The following CTNNA3 variants were observed in gnomAD, a reference collection of about 807,000 sequenced individuals.
CTNNA3 encodes the protein catenin alpha 3.
In CTNNA3, 76 loss-of-function variants were observed where a neutral mutation model predicts 95.7. The ratio of observed to expected loss-of-function variants is 0.79; its 90% CI spans 0.66 to 0.96. CTNNA3 has a LOEUF of 0.96. Ranked by LOEUF, CTNNA3 falls within the 40% of genes least tolerant of loss-of-function variation. The probability of loss-of-function intolerance (pLI) is 0.00; values close to 1 mark genes in which losing one functional copy is unlikely to be tolerated. For missense variants in CTNNA3, 1,191 were observed against 1,089.8 expected (o/e 1.09, Z -1.31); for synonymous variants, 431 against 374.4 (o/e 1.15, Z -1.74).
intron 7 of CTNNA3, among the ~76,000 whole-genome samples, chr10:67,072,836 T>C (rs2131853060): frequency 6.6e-6 from 1 of 152,014 alleles, no homozygotes; most frequent in South Asian, 2.1e-4. Context: ...GGCTGCCAAG[T>C]CCTTTTGTTT....
At chr10:67,124,496 C>T (rs1487474813) in intron 7 of CTNNA3, among the ~76,000 whole-genome samples, 1 of 151,986 alleles carries the variant, frequency 6.6e-6, no homozygotes, top group Non-Finnish European at 1.5e-5. Flanking sequence ...TGGAGAATAA[C>T]CAATTTCTAG....
chr10:66,043,593 G>A (rs561421279), intron 15 of CTNNA3, among the ~76,000 whole-genome samples: 23 of 152,216 alleles, frequency 1.5e-4, no homozygotes, highest in African/African-American at 4.8e-4. Context: ...ATGATTATAC[G>A]AAGAGAAAAA....
At chr10:67,053,953 C>T (rs966496897) in intron 7 of CTNNA3, among the ~76,000 whole-genome samples, 16 of 152,036 alleles carry the variant, frequency 1.1e-4, no homozygotes, top group Non-Finnish European at 2.1e-4. Context: ...TCCCTAATGA[C>T]CTTATGTCAT....
chr10:66,503,279 A>G (rs1840340938), intron 11 of CTNNA3, among the ~76,000 whole-genome samples: 1 of 152,180 alleles, frequency 6.6e-6, no homozygotes, highest in African/African-American at 2.4e-5. Flanking sequence ...TCTATCTTTA[A>G]AACAGTCCTA....
At chr10:67,359,694 A>G (rs1417882334) in intron 5 of CTNNA3, among the ~76,000 whole-genome samples, 1 of 152,186 alleles carries the variant, frequency 6.6e-6, no homozygotes, top group African/African-American at 2.4e-5. Flanking sequence ...TAAAGCCTCA[A>G]AGAAATATGG....
At position 67,393,059 on chromosome 10, in the gene CTNNA3, T is replaced by TA. The variant is rs1384101478; in HGVS notation, c.579+128782dup. 3.0e-3 allele frequency among the ~76,000 whole-genome samples: 427 copies of TA among 141,320 alleles called. 2 individuals are homozygous for TA. Among genetic ancestry groups the TA allele is most frequent in the African/African-American group, 4.1e-3 (147 of 36,078 alleles). The allele number at this position is 141,320 out of a possible 152,430, so 92.7% of individuals were successfully genotyped here. ...TACCCTAAAACTTAAAGTATAATAA[T>TA]AAAAAAAAAATAAATAAAAATAAAA... On this transcript the variant is annotated intron_variant, in intron 5 of 17. Coordinates refer to ENST00000433211, the MANE Select transcript of CTNNA3 (RefSeq NM_013266.4).
At chr10:66,178,440 T>A (rs10996952) in intron 13 of CTNNA3, among the ~76,000 whole-genome samples, 1 of 105,756 alleles carries the variant, frequency 9.5e-6, no homozygotes, top group Non-Finnish European at 1.9e-5. Context: ...TATATATATA[T>A]ATACACACAC....
intron 12 of CTNNA3, among the ~76,000 whole-genome samples, chr10:66,303,709 A>C (rs1247262858): frequency 2.6e-5 from 4 of 152,120 alleles, no homozygotes; most frequent in Non-Finnish European, 4.4e-5. Flanking sequence ...ATCTCAGCTC[A>C]CTGCAACCTC....
chr10:67,232,643 C>A (rs1310853122), intron 5 of CTNNA3, among the ~76,000 whole-genome samples: 2 of 151,304 alleles, frequency 1.3e-5, no homozygotes, highest in African/African-American at 4.9e-5. Flanking sequence ...ATGACAGGAT[C>A]AAATTCACAC....
chr10:67,675,700 G>A (rs978800465), intron 1 of CTNNA3, among the ~76,000 whole-genome samples: 1 of 152,136 alleles, frequency 6.6e-6, no homozygotes, highest in Non-Finnish European at 1.5e-5. Context: ...CCTCTAGCAG[G>A]AGGAATTGCA....
chr10:66,060,857 C>T (rs2080181232), intron 15 of CTNNA3, among the ~76,000 whole-genome samples: 1 of 152,074 alleles, frequency 6.6e-6, no homozygotes, highest in African/African-American at 2.4e-5. Flanking sequence ...TGTGAATACT[C>T]AATGCTAAGT....
intron 5 of CTNNA3, among the ~76,000 whole-genome samples, chr10:67,298,275 A>G (rs1462631916): frequency 1.3e-5 from 2 of 152,256 alleles, no homozygotes; most frequent in Admixed American, 6.5e-5. Context: ...GTAAATGGTC[A>G]GCAGTAGCCC....
intron 13 of CTNNA3, among the ~76,000 whole-genome samples, chr10:66,107,710 G>GT (rs2081962982): frequency 6.6e-6 from 1 of 151,664 alleles, no homozygotes; most frequent in Non-Finnish European, 1.5e-5. Flanking sequence ...AATGAAACAG[G>GT]TGGCATTATT....
At chr10:65,992,650 G>T (rs1160508520) in intron 15 of CTNNA3, among the ~76,000 whole-genome samples, 9 of 151,798 alleles carry the variant, frequency 5.9e-5, no homozygotes, top group Non-Finnish European at 1.3e-4. Flanking sequence ...GGTTAGTCTT[G>T]CTAGCAGGTT....
At chr10:67,695,154 A>G (rs182807561) in intron 1 of CTNNA3, among the ~76,000 whole-genome samples, 11 of 152,350 alleles carry the variant, frequency 7.2e-5, no homozygotes, top group Admixed American at 7.2e-4. Context: ...GAACCAATGC[A>G]AACTTGAAAT....
chr10:66,554,902 TC>T (rs1842344182), intron 10 of CTNNA3, among the ~76,000 whole-genome samples: 1 of 152,122 alleles, frequency 6.6e-6, no homozygotes, highest in African/African-American at 2.4e-5. Flanking sequence ...GGTTATTTTT[TC>T]TCTGCTATTT....
chr10:66,221,509 G>A (rs1441648284), intron 13 of CTNNA3, among the ~76,000 whole-genome samples: 2 of 152,176 alleles, frequency 1.3e-5, no homozygotes, highest in Non-Finnish European at 2.9e-5. Context: ...AACAACTAGT[G>A]CTCTTTCCTC....
chr10:67,415,935 G>A (rs765106113), intron 5 of CTNNA3, among the ~76,000 whole-genome samples: 7 of 152,158 alleles, frequency 4.6e-5, no homozygotes, highest in African/African-American at 7.2e-5. Context: ...GGGATAACTG[G>A]CTAGCCATAT....
chr10:66,017,713 C>T (rs535236878), intron 15 of CTNNA3, among the ~76,000 whole-genome samples: 1 of 152,146 alleles, frequency 6.6e-6, no homozygotes, highest in African/African-American at 2.4e-5. Flanking sequence ...TGTGGCCAAA[C>T]AGAACTATTG....
Sources: gnomAD v4.1 joint callset for allele counts (sites outside exome capture counted in the v4.1 genomes callset) on GRCh38, gnomAD v4.1.1 for gene constraint, MANE v1.5 for transcripts, NCBI Gene and HGNC (gene_info 2026-07-23, HGNC 2026-07-21) for gene names.